ARHGEF3: variants seen among roughly 807,000 people sequenced by gnomAD.
The protein encoded by ARHGEF3 is Rho guanine nucleotide exchange factor 3.
ARHGEF3 carries 28 observed loss-of-function variants against 63.2 expected under a neutral mutation model. That is an observed-to-expected ratio of 0.44 (90% CI 0.33 to 0.61). The LOEUF (loss-of-function observed/expected upper bound fraction) is 0.61. Ranked by LOEUF, ARHGEF3 falls within the 20% of genes least tolerant of loss-of-function variation. The pLI, the probability that ARHGEF3 is intolerant of heterozygous loss-of-function variation, is 0.03. For missense variants in ARHGEF3, 533 were observed against 659.3 expected (o/e 0.81, Z 2.10); for synonymous variants, 266 against 254.2 (o/e 1.05, Z -0.44).
At chr3:56,883,363 G>A (rs2040831532) in intron 3 of ARHGEF3, among the ~76,000 whole-genome samples, 1 of 150,734 alleles carries the variant, frequency 6.6e-6, no homozygotes, top group Non-Finnish European at 1.5e-5. Flanking sequence ...GCAGTGGTGT[G>A]AACACAGCTC....
intron 3 of ARHGEF3, among the ~76,000 whole-genome samples, chr3:56,924,093 G>A (rs1427257718): frequency 3.9e-5 from 6 of 152,218 alleles, no homozygotes; most frequent in African/African-American, 1.4e-4. Context: ...CCACGTGGCT[G>A]TAACAAGAAG....
chr3:57,031,712 G>A (rs1308065752), intron 2 of ARHGEF3, among the ~76,000 whole-genome samples: 1 of 152,176 alleles, frequency 6.6e-6, no homozygotes, highest in Non-Finnish European at 1.5e-5. Flanking sequence ...GATAGTACCC[G>A]CTGAATCAGT....
intron 4 of ARHGEF3, among the ~76,000 whole-genome samples, chr3:56,844,306 T>A (rs536815066): frequency 6.6e-6 from 1 of 152,220 alleles, no homozygotes; most frequent in Non-Finnish European, 1.5e-5. Flanking sequence ...AAATCCATCA[T>A]GGTGCCAGGA....
At chr3:57,072,099 T>C (rs998136214) in intron 1 of ARHGEF3, among the ~76,000 whole-genome samples, 10 of 151,338 alleles carry the variant, frequency 6.6e-5, no homozygotes, top group African/African-American at 2.4e-4. Context: ...AGGATGGCAA[T>C]AATCACAAGA....
intron 1 of ARHGEF3, among the ~76,000 whole-genome samples, chr3:57,055,681 A>C (rs1043211965): frequency 2.0e-5 from 3 of 152,176 alleles, no homozygotes; most frequent in African/African-American, 7.2e-5. Context: ...CCAGGCACAC[A>C]AAAAGACCAA....
At chr3:56,835,923 G>A (rs2039093219) in intron 4 of ARHGEF3, among the ~76,000 whole-genome samples, 1 of 152,206 alleles carries the variant, frequency 6.6e-6, no homozygotes. Context: ...TTCTCAGAGA[G>A]TCAAGAAATG....
At chr3:56,966,735 C>T (rs1700510275) in intron 2 of ARHGEF3, among the ~76,000 whole-genome samples, 1 of 152,062 alleles carries the variant, frequency 6.6e-6, no homozygotes, top group Non-Finnish European at 1.5e-5. Flanking sequence ...GACATCCAGA[C>T]CCTGTGTGGC....
rs1699847937 is a variant in ARHGEF3 at position 56,952,256 on chromosome 3, T to G, written c.129+6567A>C. On this transcript the variant is annotated intron_variant, in intron 3 of 12. Transcript: ENST00000338458. Reference sequence around the variant, plus strand: ...GATTCTCCATTGCTGACTTTGAAGATGACATGGCAAGCTCTCTGACAGCGA... The same window carrying G: ...GATTCTCCATTGCTGACTTTGAAGAGGACATGGCAAGCTCTCTGACAGCGA... 2.7e-5 allele frequency among the ~76,000 whole-genome samples: 4 copies of G among 150,786 alleles called. No homozygotes were observed. In the South Asian group the frequency reaches 8.3e-4, roughly 31 times the overall value.
At chr3:56,938,818 AG>A (rs1044407922) in intron 3 of ARHGEF3, 2 of 152,242 alleles carry the variant, frequency 1.3e-5, no homozygotes, top group African/African-American at 4.8e-5. Flanking sequence ...TTTGTCTGTG[AG>A]TCTCTTGCTT....
chr3:56,834,325 T>A (rs747211917), intron 4 of ARHGEF3, among the ~76,000 whole-genome samples: 24 of 152,164 alleles, frequency 1.6e-4, no homozygotes, highest in Non-Finnish European at 2.1e-4. Flanking sequence ...GCACTAGGTA[T>A]GAAGTAGAAA....
intron 4 of ARHGEF3, among the ~76,000 whole-genome samples, chr3:56,857,088 GA>G (rs150009488): frequency 0.04 from 6,005 of 151,734 alleles, 170 homozygotes; most frequent in African/African-American, 0.077. Context: ...TTTTCTAGAA[GA>G]AAAAAAGCCC....
intron 2 of ARHGEF3, among the ~76,000 whole-genome samples, chr3:56,762,520 G>A (rs1559915875): frequency 1.3e-5 from 2 of 152,138 alleles, no homozygotes; most frequent in South Asian, 4.1e-4. Context: ...CGCTTTACAC[G>A]TGTCAGAGGA....
At chr3:57,005,479 AG>A (rs1435250567) in intron 2 of ARHGEF3, among the ~76,000 whole-genome samples, 3 of 152,218 alleles carry the variant, frequency 2.0e-5, no homozygotes, top group Non-Finnish European at 4.4e-5. Flanking sequence ...CAAGGGAGAA[AG>A]GAGTGTTGCC....
intron 4 of ARHGEF3, among the ~76,000 whole-genome samples, chr3:56,817,462 T>C (rs190406708): frequency 1.4e-4 from 21 of 152,310 alleles, no homozygotes; most frequent in Non-Finnish European, 2.8e-4. Context: ...AAAAGTTCCA[T>C]ATCAGATTCT....
At chr3:56,769,573 C>A (rs1216741387) in intron 2 of ARHGEF3, among the ~76,000 whole-genome samples, 3 of 152,336 alleles carry the variant, frequency 2.0e-5, no homozygotes, top group Non-Finnish European at 2.9e-5. Context: ...CCTGCAGTGT[C>A]TTGCTGAACT....
chr3:56,802,659 C>T (rs908165640), upstream of ARHGEF3, among the ~76,000 whole-genome samples: 2 of 152,144 alleles, frequency 1.3e-5, no homozygotes, highest in African/African-American at 4.8e-5. Flanking sequence ...GCCTGACACT[C>T]GAGGGCAATC....
rs1578911542 is a variant in ARHGEF3 at position 56,945,703 on chromosome 3, C to T, written c.129+13120G>A. Among the ~76,000 whole-genome samples, 7 of 152,234 alleles carry T rather than the reference C, an allele frequency of 4.6e-5. 1 individual carries two copies. Among genetic ancestry groups the T allele is most frequent in the Admixed American group, 4.6e-4 (7 of 15,280 alleles). On this transcript the variant is annotated intron_variant, in intron 3 of 12. Transcript: ENST00000338458. ...CCTCTGTAGACTCCACCTCTAGGGG[C>T]AGGGCATAGCCAAATAAAAGGCAGC...
chr3:56,827,733 T>C (rs980716783), intron 4 of ARHGEF3, among the ~76,000 whole-genome samples: 7 of 96,666 alleles, frequency 7.2e-5, no homozygotes, highest in Non-Finnish European at 1.1e-4. Context: ...CTGGGCAACG[T>C]GGCAAAACCC....
intron 2 of ARHGEF3, among the ~76,000 whole-genome samples, chr3:56,771,480 G>C (rs1043745983): frequency 2.0e-5 from 3 of 152,224 alleles, no homozygotes; most frequent in Non-Finnish European, 4.4e-5. Context: ...AACACAAAAA[G>C]CCTACCAACT....
Sources: allele counts gnomAD v4.1 joint callset (sites outside exome capture counted in the v4.1 genomes callset), GRCh38; gene constraint gnomAD v4.1.1; transcripts MANE v1.5; gene names NCBI Gene and HGNC (gene_info 2026-07-23, HGNC 2026-07-21).